ABL1: variants seen among roughly 807,000 people sequenced by gnomAD.
The protein encoded by ABL1 is ABL proto-oncogene 1, non-receptor tyrosine kinase, also known as tyrosine-protein kinase ABL1.
Under a neutral mutation model 94.7 loss-of-function variants are expected in ABL1, and 11 were observed. That is an observed-to-expected ratio of 0.12 (90% CI 0.07 to 0.19). ABL1 has a LOEUF of 0.19. ABL1 is among the 10% of genes least tolerant of loss of function. The pLI is 1.00. For missense variants in ABL1, 1,082 were observed against 1,489.4 expected, an observed-to-expected ratio of 0.73 and a Z score of 4.50; for synonymous variants, 656 against 622.4, an observed-to-expected ratio of 1.05 and a Z score of -0.80.
intron 1 of ABL1, among the ~76,000 whole-genome samples, chr9:130,816,250 C>T (rs754362723): frequency 5.3e-5 from 8 of 152,140 alleles, no homozygotes; most frequent in Non-Finnish European, 8.8e-5. Context: ...GTGCTTCCTC[C>T]GTAGTTCACT....
intron 1 of ABL1, among the ~76,000 whole-genome samples, chr9:130,807,560 A>T (rs1830142548): frequency 6.6e-6 from 1 of 151,444 alleles, no homozygotes; most frequent in Non-Finnish European, 1.5e-5. Flanking sequence ...ATTTTTAAAA[A>T]CTGTATTTAC....
chr9:130,819,532 CTTTTTTTTTTTTT>C (rs34341889), intron 1 of ABL1, among the ~76,000 whole-genome samples: 2 of 96,284 alleles, frequency 2.1e-5, no homozygotes, highest in Non-Finnish European at 3.9e-5. Flanking sequence ...AGAAAAATAC[CTTTTTTTTTTTTT>C]TTTTTTTTTT....
intron 4 of ABL1, among the ~76,000 whole-genome samples, chr9:130,865,452 T>C (rs1831139106): frequency 1.3e-5 from 2 of 152,218 alleles, no homozygotes; most frequent in South Asian, 4.1e-4. Context: ...ACCTTTGCTA[T>C]AGAAGCTGAA....
intron 1 of ABL1, among the ~76,000 whole-genome samples, chr9:130,734,036 A>G (rs1363648023): frequency 2.0e-5 from 3 of 152,098 alleles, no homozygotes; most frequent in Admixed American, 2.0e-4. Flanking sequence ...TGTGGTTGAA[A>G]TCAAGTGTCT....
At chr9:130,725,824 GTTTTTTTTTTTTT>G (rs34517462) in intron 1 of ABL1, among the ~76,000 whole-genome samples, 3 of 76,002 alleles carry the variant, frequency 3.9e-5, no homozygotes, top group Admixed American at 1.4e-4. Flanking sequence ...GTGTATGGTG[GTTTTTTTTTTTTT>G]TTTTTTTTTT....
At chr9:130,806,527 G>C (rs1409696615) in intron 1 of ABL1, among the ~76,000 whole-genome samples, 2 of 152,132 alleles carry the variant, frequency 1.3e-5, no homozygotes, top group Non-Finnish European at 2.9e-5. Context: ...TTAAAAATTA[G>C]CATAAGCAGG....
chr9:130,754,503 G>A (rs560871021), intron 1 of ABL1, among the ~76,000 whole-genome samples: 921 of 84,534 alleles, frequency 0.011, 16 homozygotes, highest in African/African-American at 0.06. Flanking sequence ...GCGAGACTCC[G>A]TCTCAAAAAA....
chr9:130,752,984 C>T (rs1831985920), intron 1 of ABL1, among the ~76,000 whole-genome samples: 1 of 150,446 alleles, frequency 6.6e-6, no homozygotes, highest in Middle Eastern at 3.5e-3. Context: ...GGGCTGGGCG[C>T]AGTGGCTCAC....
chr9:130,752,784 C>A (rs952775230), intron 1 of ABL1, among the ~76,000 whole-genome samples: 4 of 151,698 alleles, frequency 2.6e-5, no homozygotes, highest in Admixed American at 6.6e-5. Context: ...ACATATGAAA[C>A]CCCGTCCCTA....
chr9:130,859,934 C>T (rs1831043551), intron 3 of ABL1, among the ~76,000 whole-genome samples: 1 of 152,210 alleles, frequency 6.6e-6, no homozygotes, highest in Admixed American at 6.5e-5. Flanking sequence ...CCTCCTTGGC[C>T]TCCCAAAGTG....
upstream of ABL1, chr9:130,834,804 A>C (rs1042057086): frequency 2.2e-5 from 10 of 450,306 alleles, no homozygotes; most frequent in East Asian, 7.2e-5. Flanking sequence ...CCTTAATCAC[A>C]GGACGCGCGT....
At chr9:130,883,944 G>A (rs377421531) in intron 10 of ABL1, 25 bp from the exon 11 acceptor site, 77 of 1,586,698 alleles carry the variant, frequency 4.9e-5, no homozygotes, top group Non-Finnish European at 6.2e-5. Context: ...GTCTGGAGTT[G>A]TCAGCTCTTC....
chr9:130,777,461 G>A (rs1829682665), intron 1 of ABL1, among the ~76,000 whole-genome samples: 1 of 151,012 alleles, frequency 6.6e-6, no homozygotes, highest in East Asian at 1.9e-4. Flanking sequence ...TTTGTGTTGG[G>A]ACACTGACTC....
At chr9:130,733,185 T>G (rs1180170368) in intron 1 of ABL1, among the ~76,000 whole-genome samples, 2 of 152,174 alleles carry the variant, frequency 1.3e-5, no homozygotes, top group Admixed American at 6.5e-5. Flanking sequence ...TCTAAACTGA[T>G]TGGAACCTTC....
At position 130,748,075 on chromosome 9, in the gene ABL1, T is replaced by A. The variant is rs34814883; in HGVS notation, c.136+33620T>A. On this transcript the variant is annotated intron_variant, in intron 1 of 10. Coordinates refer to the ABL1 transcript ENST00000372348. The stretch of plus-strand genomic sequence containing the variant: ...CTGAACTGGCTATTGTCGGTATTTT[T>A]AATTTTAGCCATTCTAGTGAGTATC... 2.3e-3 allele frequency among the ~76,000 whole-genome samples: 351 copies of A among 152,334 alleles called. 1 individual carries two copies. Among genetic ancestry groups the A allele is most frequent in the African/African-American group, 7.9e-3 (329 of 41,582 alleles).
At chr9:130,883,886 C>T in intron 10 of ABL1, 83 bp from the exon 11 acceptor site, 1 of 1,496,738 alleles carries the variant, frequency 6.7e-7, no homozygotes, top group Non-Finnish European at 8.9e-7. Flanking sequence ...AGCAGTGGCA[C>T]TCTGCCTCCC....
At chr9:130,776,764 T>G (rs1457985748) in intron 1 of ABL1, among the ~76,000 whole-genome samples, 4 of 152,040 alleles carry the variant, frequency 2.6e-5, no homozygotes, top group African/African-American at 9.7e-5. Context: ...ATTCTTTGTT[T>G]GGTTTTAATT....
At chr9:130,828,877 G>T (rs1223039065) in intron 1 of ABL1, among the ~76,000 whole-genome samples, 2 of 152,158 alleles carry the variant, frequency 1.3e-5, no homozygotes, top group Non-Finnish European at 2.9e-5. Context: ...TTAGTGAAGT[G>T]AGTATTTTCC....
At chr9:130,729,121 T>G (rs760010816) in intron 1 of ABL1, among the ~76,000 whole-genome samples, 8 of 152,190 alleles carry the variant, frequency 5.3e-5, no homozygotes, top group Non-Finnish European at 1.0e-4. Context: ...CACCCGGCCC[T>G]TAGAATAGAG....
Sources: allele counts gnomAD v4.1 joint callset (sites outside exome capture counted in the v4.1 genomes callset), GRCh38; gene constraint gnomAD v4.1.1; transcripts MANE v1.5; gene names NCBI Gene and HGNC (gene_info 2026-07-23, HGNC 2026-07-21).